Variants in PHRF1 observed in about 807,000 individuals in gnomAD.
PHRF1 encodes PHD and ring finger domains 1.
A neutral mutation model predicts 128.9 loss-of-function variants in PHRF1; 53 were observed. The ratio of observed to expected loss-of-function variants is 0.41; its 90% confidence interval spans 0.33 to 0.52. PHRF1 has a LOEUF of 0.52. Among genes scored for constraint, PHRF1 ranks in the 20% least tolerant of loss-of-function variants. The probability of loss-of-function intolerance (pLI) is 0.21; values close to 1 mark genes in which losing one functional copy is unlikely to be tolerated. For synonymous variants in PHRF1, 1,178 were observed against 980.6 expected, an observed-to-expected ratio of 1.20 and a Z score of -3.76; for missense variants, 2,503 against 2,284.5, an observed-to-expected ratio of 1.10 and a Z score of -1.95.
At chr11:610,851 C>A in intron 16 of PHRF1, 90 bp downstream of exon 16, 3 of 1,581,172 alleles carry the variant, frequency 1.9e-6, no homozygotes, top group South Asian at 1.1e-5. Flanking sequence ...GGAAGCTGGT[C>A]GCTGTGCCTC....
rs1856292125 is a variant in PHRF1 at position 610,340 on chromosome 11, C to T, written c.4409C>T (p.Pro1470Leu). ...LPEPGFPDTD[P>L]SQVYSPGLPP... is the part of the protein sequence containing the mutation. Reference sequence around the variant, plus strand: ...GAACCCGGGTTCCCAGACACAGACCCCTCTCAGGTGGGTGTCTGGGCTGGA... The same window carrying T: ...GAACCCGGGTTCCCAGACACAGACCTCTCTCAGGTGGGTGTCTGGGCTGGA... The change falls in exon 15 of 18, where the codon CCC becomes CTC. Residue 1470 changes from proline to leucine, a missense_variant. Physicochemically the swap from Pro to Leu is moderately conservative, Grantham distance 98 (BLOSUM62 -3). Coordinates refer to ENST00000264555, the MANE Select transcript of PHRF1 (RefSeq NM_001286581.2). 6.4e-7 allele frequency: 1 copy of T among 1,563,792 alleles called. No individual in the cohort carries two copies. The highest frequency in any genetic ancestry group is 8.7e-7 in the Non-Finnish European group (1 of 1,154,196).
At chr11:577,914 C>G (rs1853984127) in intron 1 of PHRF1, among the ~76,000 whole-genome samples, 1 of 152,228 alleles carries the variant, frequency 6.6e-6, no homozygotes, top group Non-Finnish European at 1.5e-5. Context: ...TTTTGTTTTC[C>G]TCTTTAATCC....
Position 605,142 on chromosome 11 carries a change from A to C in PHRF1, c.1176A>C (p.Arg392=), listed in dbSNP as rs371113527. The C allele has an allele frequency of 6.8e-6, 11 of 1,611,796 alleles. No individual in the cohort carries two copies. In the Middle Eastern group the frequency reaches 4.9e-4, roughly 72 times the overall value. Residue 392 remains arginine, a synonymous_variant, in exon 11 of 18, where the codon CGA becomes CGC. Coordinates refer to ENST00000264555, the MANE Select transcript of PHRF1 (RefSeq NM_001286581.2). ...AGAGTGAAGCCACCACTCGCTCTCG[A>C]ATCGCGCGGACGCTGGGCCTGCGCA... is the stretch of plus-strand genomic sequence containing the variant. The part of the protein sequence containing the change: ...KVKSEATTRS[R]IARTLGLRRP...
intron 2 of PHRF1, 24 bp from the exon 3 acceptor site, chr11:581,938 C>A: frequency 6.4e-7 from 1 of 1,568,988 alleles, no homozygotes; most frequent in Non-Finnish European, 8.6e-7. Context: ...CGCCCTGCGG[C>A]CTGTGTCTCA....
chr11:587,151 G>A (rs1233156087), intron 3 of PHRF1, 108 bp from the exon 4 acceptor site: 3 of 1,010,308 alleles, frequency 3.0e-6, no homozygotes, highest in Non-Finnish European at 4.5e-6. Flanking sequence ...GAGGTGGGCT[G>A]TGCATTGCCG....
rs770568028 is a variant in PHRF1, at chr11:608,776, G to GGAA, written c.3330_3332dup (p.Lys1111dup). The GGAA allele has an allele frequency of 1.2e-5, 20 of 1,611,854 alleles. No individual in the cohort carries two copies. In the East Asian group the frequency reaches 4.2e-4, roughly 34 times the overall value. ...TCTTCCTATGAGCACTATGAGAGTAGGAAGAAGAAGAAAAGGAGATCAGCG... is the reference window on the plus strand; with the variant it reads ...TCTTCCTATGAGCACTATGAGAGTAGGAAGAAGAAGAAGAAAAGGAGATCAGCG... On this transcript the variant is annotated inframe_insertion, in exon 14 of 18. Coordinates refer to ENST00000264555, the MANE Select transcript of PHRF1 (RefSeq NM_001286581.2).
intron 1 of PHRF1, among the ~76,000 whole-genome samples, chr11:577,259 G>C (rs1853923090): frequency 6.6e-6 from 1 of 152,244 alleles, no homozygotes; most frequent in African/African-American, 2.4e-5. Context: ...GCCAGCGCCG[G>C]CAGCCGGGGA....
intron 3 of PHRF1, among the ~76,000 whole-genome samples, chr11:582,673 C>T (rs1277434840): frequency 6.6e-5 from 10 of 151,740 alleles, no homozygotes; most frequent in South Asian, 4.2e-4. Flanking sequence ...TACAGGCGCC[C>T]GCCACCAAGC....
intron 6 of PHRF1, among the ~76,000 whole-genome samples, chr11:593,351 G>C (rs1397861209): frequency 6.6e-6 from 1 of 152,258 alleles, no homozygotes; most frequent in East Asian, 1.9e-4. Flanking sequence ...TGCTCGATCT[G>C]GGGCCTTCTC....
rs141010415 is a variant in PHRF1 at position 587,384 on chromosome 11, G to A, written c.340G>A (p.Ala114Thr). ...DAESCPICLN[A>T]FRDQAVGTPE... ...AGAGAGCTGCCCAATCTGTCTCAAC[G>A]CATTCAGAGACCAGGCCGTGGGGAC... The change falls in exon 4 of 18, where the codon GCA becomes ACA. Residue 114 changes from alanine to threonine, a missense_variant. Transcript: ENST00000264555. 6.9e-5 allele frequency: 112 copies of A among 1,613,880 alleles called. No individual in the cohort carries two copies. The African/African-American group carries it at 1.1e-3, about 17-fold the overall frequency.
intron 13 of PHRF1, 188 bp downstream of exon 13, chr11:606,784 G>A (rs1366700314): frequency 1.1e-6 from 1 of 939,116 alleles, no homozygotes; most frequent in Non-Finnish European, 1.5e-6. Context: ...TTCTTACCCA[G>A]CCCCACAGCT....
chr11:598,179 G>T (rs1296161755), intron 8 of PHRF1, among the ~76,000 whole-genome samples, 194 bp from the exon 9 acceptor site: 3 of 152,226 alleles, frequency 2.0e-5, no homozygotes, highest in Non-Finnish European at 4.4e-5. Flanking sequence ...CACCCGCCTT[G>T]CCCCCGTGGG....
chr11:609,795 C>T (rs944215684), intron 14 of PHRF1, 75 bp downstream of exon 14: 8 of 1,047,430 alleles, frequency 7.6e-6, no homozygotes, highest in Non-Finnish European at 8.9e-6. Flanking sequence ...GAGGACAGAG[C>T]CCCCCGTGAG....
chr11:578,787 G>A (rs1249699261), intron 1 of PHRF1, among the ~76,000 whole-genome samples: 1 of 152,164 alleles, frequency 6.6e-6, no homozygotes, highest in African/African-American at 2.4e-5. Flanking sequence ...GCAGGCTCAA[G>A]TGATCTGCCT....
intron 4 of PHRF1, among the ~76,000 whole-genome samples, chr11:589,815 C>T (rs796812503): frequency 2.7e-5 from 4 of 149,462 alleles, no homozygotes; most frequent in South Asian, 2.1e-4. Context: ...GGGCACAGAG[C>T]GTGCGGGGCT....
At chr11:584,714 T>C (rs1388618559) in intron 3 of PHRF1, among the ~76,000 whole-genome samples, 1 of 151,544 alleles carries the variant, frequency 6.6e-6, no homozygotes, top group Non-Finnish European at 1.5e-5. Flanking sequence ...ACACTTCTTT[T>C]TATTTCTCCA....
chr11:599,073 C>T (rs1413543540), intron 9 of PHRF1, among the ~76,000 whole-genome samples: 1 of 152,208 alleles, frequency 6.6e-6, no homozygotes, highest in Admixed American at 6.5e-5. Context: ...CCTTGTCAGA[C>T]ACCCCCGGCG....
Position 591,514 on chromosome 11 carries a change from G to A in PHRF1, c.504+47G>A, listed in dbSNP as rs376791172. On this transcript the variant is annotated intron_variant, in intron 5 of 17. Transcript: ENST00000264555. ...GAGGCCCCAGCCGTGCTTCTATCCC[G>A]GCCCTGTGGGACAGAGCATGCTTTC... The A allele has an allele frequency of 2.0e-4, 288 of 1,472,348 alleles. No individual in the cohort carries two copies. In the African/African-American group the frequency reaches 3.3e-3, roughly 17 times the overall value. The allele number at this position is 1,472,348 out of a possible 1,614,324, so 91.2% of individuals were successfully genotyped here.
intron 1 of PHRF1, among the ~76,000 whole-genome samples, chr11:577,920 A>T (rs912781954): frequency 6.6e-6 from 1 of 152,268 alleles, no homozygotes; most frequent in Non-Finnish European, 1.5e-5. Context: ...TTTCCTCTTT[A>T]ATCCCCCAAA....
Sources: gnomAD v4.1 joint callset for allele counts (sites outside exome capture counted in the v4.1 genomes callset) on GRCh38, gnomAD v4.1.1 for gene constraint, MANE v1.5 for transcripts, NCBI Gene and HGNC (gene_info 2026-07-23, HGNC 2026-07-21) for gene names.